The following CEACAM5 variants were observed in gnomAD, a reference collection of about 807,000 sequenced individuals.
CEACAM5 encodes the protein CEA cell adhesion molecule 5.
CEACAM5 carries 52 observed loss-of-function variants against 63.0 expected under a neutral mutation model. That is an observed-to-expected ratio of 0.83 (90% CI 0.66 to 1.04). CEACAM5 has a LOEUF of 1.04. Among genes scored for constraint, CEACAM5 ranks in the 50% least tolerant of loss-of-function variants. CEACAM5 has a pLI of 0.00. For missense variants in CEACAM5, 790 were observed against 864.8 expected (o/e 0.91, Z 1.08); for synonymous variants, 357 against 351.3 (o/e 1.02, Z -0.18).
rs782819973 is a variant in CEACAM5, at chr19:41,720,102, C to T, written c.1665C>T (p.Thr555=). The change falls in exon 7 of 10, where the codon ACC becomes ACT. Residue 555 remains threonine, a synonymous_variant. Coordinates refer to ENST00000221992, the MANE Select transcript of CEACAM5 (RefSeq NM_004363.6). The stretch of plus-strand genomic sequence containing the variant: ...TGCAGCTGTCCAATGGCAACAGGAC[C>T]CTCACTCTATTCAATGTCACAAGAA... ...PRLQLSNGNR[T]LTLFNVTRND... 1.9e-6 allele frequency: 3 copies of T among 1,614,094 alleles called. No homozygotes were observed. Among genetic ancestry groups the T allele is most frequent in the East Asian group, 2.2e-5 (1 of 44,898 alleles).
chr19:41,727,337 C>T lies in CEACAM5; in HGVS notation c.*21C>T. Reference sequence around the variant, plus strand: ...TATAGCAGCCCTGGTGTAGTTTCTTCATTTCAGGAAGACTGGTAGGTATAA... The same window carrying T: ...TATAGCAGCCCTGGTGTAGTTTCTTTATTTCAGGAAGACTGGTAGGTATAA... On this transcript the variant is annotated 3_prime_UTR_variant, in exon 9 of 10. Transcript: ENST00000221992. 11 of 1,565,010 alleles carry T rather than the reference C, an allele frequency of 7.0e-6. No individual in the cohort carries two copies. Among genetic ancestry groups the T allele is most frequent in the Non-Finnish European group, 9.7e-6 (11 of 1,135,918 alleles).
chr19:41,725,824 T>C (rs1439624082), intron 8 of CEACAM5, among the ~76,000 whole-genome samples: 1 of 152,216 alleles, frequency 6.6e-6, no homozygotes, highest in Non-Finnish European at 1.5e-5. Flanking sequence ...TTTATTTATT[T>C]AAACTCTAAT....
rs1418563817 is a variant in CEACAM5, at chr19:41,718,007, G to A, written c.1238-121G>A. The stretch of plus-strand genomic sequence containing the variant: ...CTCTGGCTAATTGGATACAGTAGGG[G>A]TTTGGTTAGGACTTCAGGATTGTGA... On this transcript the variant is annotated intron_variant, in intron 5 of 9. Transcript: ENST00000221992. The A allele has an allele frequency of 4.9e-6, 6 of 1,225,828 alleles. No homozygotes were observed. In the East Asian group the frequency reaches 1.2e-4, roughly 24 times the overall value. 75.9% of individuals were successfully genotyped at this position (1,225,828 alleles called of 1,614,324 possible).
At chr19:41,717,860 C>A in intron 5 of CEACAM5, 127 bp downstream of exon 5, 1 of 1,253,082 alleles carries the variant, frequency 8.0e-7, no homozygotes, top group Non-Finnish European at 1.1e-6. Context: ...CAGGCTGGCC[C>A]TACCCCCAGC....
intron 4 of CEACAM5, 36 bp downstream of exon 4, chr19:41,715,940 G>A (rs781909767): frequency 8.1e-6 from 13 of 1,599,810 alleles, no homozygotes; most frequent in Non-Finnish European, 1.1e-5. Flanking sequence ...ATCATGTTTT[G>A]AGGTGGAGTC....
At position 41,720,209 on chromosome 19, in the gene CEACAM5, G is replaced by A. The variant is rs2122815763; in HGVS notation, c.1771+1G>A. 6.2e-7 allele frequency: 1 copy of A among 1,613,118 alleles called. No homozygotes were observed. Among genetic ancestry groups the A allele is most frequent in the East Asian group, 2.2e-5 (1 of 44,874 alleles). On this transcript the variant is annotated splice_donor_variant, in intron 7 of 9. Coordinates refer to ENST00000221992, the MANE Select transcript of CEACAM5 (RefSeq NM_004363.6). LOFTEE classifies it high-confidence loss of function. ...GACCCAGTCACCCTGGATGTCCTCTGTGAGTATCTTCTGTTCCTCTGTGGC... is the reference window on the plus strand; with the variant it reads ...GACCCAGTCACCCTGGATGTCCTCTATGAGTATCTTCTGTTCCTCTGTGGC...
Position 41,716,024 on chromosome 19 carries a change from C to T in CEACAM5, c.958+120C>T. 6 of 1,134,290 alleles carry T rather than the reference C, an allele frequency of 5.3e-6. No individual in the cohort carries two copies. In the South Asian group the frequency reaches 8.9e-5, roughly 17 times the overall value. The allele number at this position is 1,134,290 out of a possible 1,614,324, so 70.3% of individuals were successfully genotyped here. Reference sequence around the variant, plus strand: ...GTGTCCAGTGGGCACAAGCAAATCCCAGATTCTCCCACTGAACCTCCCCAA... The same window carrying T: ...GTGTCCAGTGGGCACAAGCAAATCCTAGATTCTCCCACTGAACCTCCCCAA... On this transcript the variant is annotated intron_variant, in intron 4 of 9. Transcript: ENST00000221992.
chr19:41,728,761 T>C (rs1439948714), intron 9 of CEACAM5, among the ~76,000 whole-genome samples: 1 of 125,148 alleles, frequency 8.0e-6, no homozygotes, highest in Non-Finnish European at 1.6e-5. Flanking sequence ...CACTCCAGCC[T>C]GGGCGACAGA....
At chr19:41,723,809 C>T (rs983550730) in intron 8 of CEACAM5, among the ~76,000 whole-genome samples, 3 of 151,828 alleles carry the variant, frequency 2.0e-5, no homozygotes, top group East Asian at 1.9e-4. Flanking sequence ...ATTATCCAGG[C>T]GTGGTGGTGG....
chr19:41,722,976 C>T (rs1188344406), intron 8 of CEACAM5, among the ~76,000 whole-genome samples: 1 of 152,096 alleles, frequency 6.6e-6, no homozygotes, highest in Non-Finnish European at 1.5e-5. Flanking sequence ...GGCGCGATCT[C>T]GGCTCACTGC....
At chr19:41,717,157 G>A (rs1051949395) in intron 4 of CEACAM5, among the ~76,000 whole-genome samples, 14 of 152,368 alleles carry the variant, frequency 9.2e-5, no homozygotes, top group African/African-American at 3.1e-4. Flanking sequence ...AGCCAGTCAG[G>A]AAAGGACCAG....
chr19:41,719,744 G>A (rs2072586847), intron 6 of CEACAM5, among the ~76,000 whole-genome samples, 186 bp from the exon 7 acceptor site: 1 of 152,176 alleles, frequency 6.6e-6, no homozygotes, highest in Non-Finnish European at 1.5e-5. Flanking sequence ...CCCACACAAA[G>A]CAGCCGGCCT....
chr19:41,726,364 AG>A (rs1490998916), intron 8 of CEACAM5, among the ~76,000 whole-genome samples: 15 of 152,252 alleles, frequency 9.9e-5, no homozygotes, highest in African/African-American at 3.4e-4. Context: ...AAGCATTTAC[AG>A]TAGCTAACAT....
chr19:41,728,219 T>C (rs2072725494), intron 9 of CEACAM5, among the ~76,000 whole-genome samples: 1 of 152,142 alleles, frequency 6.6e-6, no homozygotes, highest in South Asian at 2.1e-4. Flanking sequence ...AAAATAATCA[T>C]AATGCCAAAA....
intron 8 of CEACAM5, among the ~76,000 whole-genome samples, chr19:41,722,363 C>CAAA (rs35093497): frequency 1.1e-4 from 10 of 87,500 alleles, no homozygotes; most frequent in African/African-American, 3.8e-4. Context: ...GACTACATCA[C>CAAA]AAAAAAAAAA....
chr19:41,727,143 C>T, intron 8 of CEACAM5, 91 bp from the exon 9 acceptor site: 1 of 951,230 alleles, frequency 1.1e-6, no homozygotes, highest in Non-Finnish European at 1.7e-6. Flanking sequence ...GTAGAGACTG[C>T]TTCATGCTGA....
At chr19:41,708,996 C>T (rs1465950611) in intron 1 of CEACAM5, among the ~76,000 whole-genome samples, 1 of 152,244 alleles carries the variant, frequency 6.6e-6, no homozygotes, top group African/African-American at 2.4e-5. Context: ...GTTCTATTTT[C>T]CTAGTTAATT....
At chr19:41,726,660 G>A (rs1021476594) in intron 8 of CEACAM5, among the ~76,000 whole-genome samples, 3 of 152,316 alleles carry the variant, frequency 2.0e-5, no homozygotes, top group Non-Finnish European at 4.4e-5. Context: ...GAAGGAGAAA[G>A]AGGAGAGAGT....
intron 6 of CEACAM5, 53 bp downstream of exon 6, chr19:41,718,435 G>A: frequency 6.3e-7 from 1 of 1,586,962 alleles, no homozygotes; most frequent in East Asian, 2.2e-5. Flanking sequence ...AATCTGTCTG[G>A]TTTTCAGAAA....
Sources: allele counts gnomAD v4.1 joint callset (sites outside exome capture counted in the v4.1 genomes callset), GRCh38; gene constraint gnomAD v4.1.1; transcripts MANE v1.5; gene names NCBI Gene and HGNC (gene_info 2026-07-23, HGNC 2026-07-21).